ETV6: variants seen among roughly 807,000 people sequenced by gnomAD.
ETV6 encodes the protein transcription factor ETV6.
ETV6 carries 16 observed loss-of-function variants against 51.1 expected under a neutral mutation model. The ratio of observed to expected loss-of-function variants is 0.31; its 90% confidence interval spans 0.21 to 0.48. The LOEUF (loss-of-function observed/expected upper bound fraction) is 0.48. ETV6 is among the 20% of genes least tolerant of loss of function. The probability of loss-of-function intolerance (pLI) is 0.99; values close to 1 mark genes in which losing one functional copy is unlikely to be tolerated. For synonymous variants in ETV6, 240 were observed against 224.1 expected, an observed-to-expected ratio of 1.07 and a Z score of -0.64; for missense variants, 458 against 594.8, an observed-to-expected ratio of 0.77 and a Z score of 2.39.
intron 1 of ETV6, among the ~76,000 whole-genome samples, chr12:11,734,046 G>C (rs1197801992): frequency 6.6e-6 from 1 of 152,148 alleles, no homozygotes; most frequent in African/African-American, 2.4e-5. Context: ...TGGATTATCT[G>C]ATTGCACCAG....
intron 2 of ETV6, among the ~76,000 whole-genome samples, chr12:11,816,951 A>C (rs1009761750): frequency 2.0e-5 from 3 of 152,228 alleles, no homozygotes; most frequent in Non-Finnish European, 4.4e-5. Context: ...AGCCAGGGAT[A>C]GCACATGCCA....
At chr12:11,685,541 T>G (rs1864612668) in intron 1 of ETV6, among the ~76,000 whole-genome samples, 1 of 152,116 alleles carries the variant, frequency 6.6e-6, no homozygotes, top group African/African-American at 2.4e-5. Flanking sequence ...TTAATACTTC[T>G]TCTTATCTGA....
chr12:11,750,645 A>C (rs1866004256), intron 1 of ETV6, among the ~76,000 whole-genome samples: 1 of 152,196 alleles, frequency 6.6e-6, no homozygotes, highest in Admixed American at 6.5e-5. Flanking sequence ...ATATCTAGAC[A>C]TATAGTGGGA....
At chr12:11,725,354 G>T (rs1865469094) in intron 1 of ETV6, among the ~76,000 whole-genome samples, 1 of 152,188 alleles carries the variant, frequency 6.6e-6, no homozygotes, top group East Asian at 1.9e-4. Context: ...TTTTCCTTGG[G>T]ATGTTATTTG....
At chr12:11,680,244 G>A (rs1864500691) in intron 1 of ETV6, among the ~76,000 whole-genome samples, 1 of 152,168 alleles carries the variant, frequency 6.6e-6, no homozygotes, top group Admixed American at 6.5e-5. Flanking sequence ...GAAATAAAAA[G>A]CTTACACTTG....
chr12:11,742,419 T>C (rs947131936), intron 1 of ETV6, among the ~76,000 whole-genome samples: 6 of 152,208 alleles, frequency 3.9e-5, no homozygotes, highest in African/African-American at 1.4e-4. Context: ...TTCTATGATA[T>C]TTGACAAGTA....
chr12:11,703,437 TG>T (rs533431017), intron 1 of ETV6, among the ~76,000 whole-genome samples: 143 of 152,056 alleles, frequency 9.4e-4, no homozygotes, highest in Admixed American at 7.5e-3. Context: ...TAGAGAAATT[TG>T]GGGATTAAAA....
At chr12:11,836,898 G>A (rs1032312261) in intron 2 of ETV6, among the ~76,000 whole-genome samples, 20 of 152,218 alleles carry the variant, frequency 1.3e-4, no homozygotes, top group African/African-American at 2.9e-4. Flanking sequence ...TCCTAGGCCT[G>A]AGGAACCAGA....
At chr12:11,797,353 C>T (rs1416405076) in intron 2 of ETV6, among the ~76,000 whole-genome samples, 8 of 152,128 alleles carry the variant, frequency 5.3e-5, no homozygotes, top group Non-Finnish European at 5.9e-5. Flanking sequence ...GGGAGGAGGG[C>T]CAGGGCTGCC....
chr12:11,754,279 C>A (rs1299165668), intron 2 of ETV6, among the ~76,000 whole-genome samples: 2 of 152,124 alleles, frequency 1.3e-5, no homozygotes, highest in Non-Finnish European at 2.9e-5. Flanking sequence ...GAAAAAACTC[C>A]CCTGCTCTTG....
At chr12:11,828,089 G>C (rs1398360208) in intron 2 of ETV6, among the ~76,000 whole-genome samples, 2 of 151,806 alleles carry the variant, frequency 1.3e-5, no homozygotes, top group African/African-American at 2.4e-5. Context: ...TTAAACTCAG[G>C]CTTCTTTGTA....
chr12:11,797,317 A>T (rs1945694322), intron 2 of ETV6, among the ~76,000 whole-genome samples: 1 of 152,180 alleles, frequency 6.6e-6, no homozygotes, highest in Non-Finnish European at 1.5e-5. Flanking sequence ...AGTCAGGGTC[A>T]TAGGGAAGTT....
At chr12:11,790,962 T>C (rs1416496320) in intron 2 of ETV6, among the ~76,000 whole-genome samples, 2 of 152,172 alleles carry the variant, frequency 1.3e-5, no homozygotes, top group Non-Finnish European at 2.9e-5. Context: ...ATTGCAGCTG[T>C]GAGCCATTGC....
At chr12:11,759,387 A>T (rs1945050007) in intron 2 of ETV6, among the ~76,000 whole-genome samples, 1 of 152,208 alleles carries the variant, frequency 6.6e-6, no homozygotes, top group South Asian at 2.1e-4. Context: ...TCTGAAGTAG[A>T]CATTTGGAAA....
At chr12:11,662,752 A>T (rs1455595265) in intron 1 of ETV6, among the ~76,000 whole-genome samples, 1 of 152,206 alleles carries the variant, frequency 6.6e-6, no homozygotes, top group Non-Finnish European at 1.5e-5. Context: ...CTTTATGCAC[A>T]TATTTCTGCC....
At chr12:11,657,837 T>C (rs1864029438) in intron 1 of ETV6, among the ~76,000 whole-genome samples, 1 of 152,250 alleles carries the variant, frequency 6.6e-6, no homozygotes, top group Non-Finnish European at 1.5e-5. Flanking sequence ...TTCTGTCTTA[T>C]GTTGTTCTTT....
intron 3 of ETV6, among the ~76,000 whole-genome samples, chr12:11,842,227 C>T (rs548883419): frequency 2.6e-5 from 4 of 152,212 alleles, no homozygotes; most frequent in African/African-American, 9.6e-5. Flanking sequence ...GTCTGATTGC[C>T]TCCTCACATT....
At chr12:11,842,729 C>T (rs2136470306) in intron 3 of ETV6, among the ~76,000 whole-genome samples, 1 of 152,282 alleles carries the variant, frequency 6.6e-6, no homozygotes, top group East Asian at 1.9e-4. Flanking sequence ...CATTTTCCAC[C>T]AGTGCGTAGG....
chr12:11,813,737 G>A (rs1945948408), intron 2 of ETV6, among the ~76,000 whole-genome samples: 1 of 152,174 alleles, frequency 6.6e-6, no homozygotes, highest in Non-Finnish European at 1.5e-5. Context: ...GACTTCTTGT[G>A]ATATGCACTT....
Sources: allele counts gnomAD v4.1 joint callset (sites outside exome capture counted in the v4.1 genomes callset), GRCh38; gene constraint gnomAD v4.1.1; transcripts MANE v1.5; gene names NCBI Gene and HGNC (gene_info 2026-07-23, HGNC 2026-07-21).